The following TTC7B variants were observed in gnomAD, a reference collection of about 807,000 sequenced individuals.
TTC7B encodes tetratricopeptide repeat domain 7B.
Under a neutral mutation model 106.8 loss-of-function variants are expected in TTC7B, and 28 were observed. The observed-to-expected ratio is 0.26, with a 90% confidence interval of 0.19 to 0.36. TTC7B has a LOEUF of 0.36. Among genes scored for constraint, TTC7B ranks in the 10% least tolerant of loss-of-function variants. TTC7B has a pLI of 1.00. For synonymous variants in TTC7B, 405 were observed against 430.6 expected, an observed-to-expected ratio of 0.94 and a Z score of 0.74; for missense variants, 862 against 1,076.4, an observed-to-expected ratio of 0.80 and a Z score of 2.79.
intron 18 of TTC7B, 117 bp downstream of exon 18, chr14:90,593,369 A>C (rs2139821633): frequency 7.2e-7 from 1 of 1,396,314 alleles, no homozygotes; most frequent in Non-Finnish European, 9.4e-7. Context: ...GATCTCTCCT[A>C]ATGAGGGGTG....
chr14:90,638,247 T>C (rs1464781915), intron 15 of TTC7B, among the ~76,000 whole-genome samples: 1 of 152,038 alleles, frequency 6.6e-6, no homozygotes, highest in African/African-American at 2.4e-5. Flanking sequence ...AGGTCCTAAC[T>C]AGTACAGTAA....
chr14:90,614,719 C>T (rs567223112), intron 16 of TTC7B, among the ~76,000 whole-genome samples: 12 of 152,328 alleles, frequency 7.9e-5, no homozygotes, highest in South Asian at 2.1e-4. Context: ...ATGGAAGTAA[C>T]GGTAGCTATC....
chr14:90,557,468 T>C (rs1249941786), intron 19 of TTC7B, among the ~76,000 whole-genome samples: 2 of 152,270 alleles, frequency 1.3e-5, no homozygotes, highest in African/African-American at 4.8e-5. Flanking sequence ...TGGGGTTTGA[T>C]GAAATCTTCC....
In TTC7B at chr14:90,805,879, C is replaced by G. The variant is rs1329409704; in HGVS notation, c.121+10296G>C. On this transcript the variant is annotated intron_variant, in intron 1 of 19. Coordinates refer to ENST00000328459, the MANE Select transcript of TTC7B (RefSeq NM_001010854.2). This position sits in a 1 kb window ranked among gnomAD's most constrained non-coding sequence, Gnocchi z 4.0. Reference sequence around the variant, plus strand: ...CCAGGGGCACTTGGCCTCCTTGATCCCCCGGGGAAGGTGGGGCTGTGGCCT... The same window carrying G: ...CCAGGGGCACTTGGCCTCCTTGATCGCCCGGGGAAGGTGGGGCTGTGGCCT... Among the ~76,000 whole-genome samples the G allele has an allele frequency of 1.3e-5, 2 of 152,228 alleles. No individual in the cohort carries two copies. Among genetic ancestry groups the G allele is most frequent in the Non-Finnish European group, 1.5e-5 (1 of 68,042 alleles).
intron 15 of TTC7B, among the ~76,000 whole-genome samples, chr14:90,628,611 GCA>G (rs1473708901): frequency 5.3e-5 from 8 of 152,304 alleles, no homozygotes; most frequent in African/African-American, 1.9e-4. Flanking sequence ...GGCGCCTTCT[GCA>G]CAGTCAGGAG....
chr14:90,792,008 C>T (rs1891603221), intron 1 of TTC7B, among the ~76,000 whole-genome samples: 1 of 152,162 alleles, frequency 6.6e-6, no homozygotes, highest in South Asian at 2.1e-4. Context: ...ACCTCAAGTC[C>T]TCAAGTTTAC....
intron 3 of TTC7B, among the ~76,000 whole-genome samples, chr14:90,747,539 T>C (rs569462616): frequency 3.9e-5 from 6 of 152,202 alleles, no homozygotes; most frequent in Non-Finnish European, 5.9e-5. Flanking sequence ...AAAACTTGTT[T>C]CTGACCCTGT....
intron 19 of TTC7B, among the ~76,000 whole-genome samples, chr14:90,555,917 C>T (rs572662118): frequency 9.1e-4 from 138 of 152,310 alleles, no homozygotes; most frequent in African/African-American, 2.9e-3. Context: ...GTAGGGTCAC[C>T]GGGGACCCGT....
chr14:90,797,914 C>T (rs1448457946), intron 1 of TTC7B, among the ~76,000 whole-genome samples: 2 of 152,190 alleles, frequency 1.3e-5, no homozygotes, highest in East Asian at 1.9e-4. Flanking sequence ...GATCTCCATA[C>T]GACTCTGTGG....
chr14:90,603,372 C>G, intron 17 of TTC7B: 1 of 1,121,376 alleles, frequency 8.9e-7, no homozygotes, highest in South Asian at 1.3e-5. Flanking sequence ...AAAATTAAGA[C>G]TAAAAAAGCG....
chr14:90,611,271 A>T (rs553332934), intron 16 of TTC7B, among the ~76,000 whole-genome samples: 4 of 152,288 alleles, frequency 2.6e-5, no homozygotes, highest in African/African-American at 9.6e-5. Context: ...TCTAAAACCC[A>T]GGCTGCACGG....
At chr14:90,648,992 G>A (rs986359861) in intron 13 of TTC7B, 3 of 152,190 alleles carry the variant, frequency 2.0e-5, no homozygotes, top group Non-Finnish European at 4.4e-5. Flanking sequence ...TGAAAAGCTG[G>A]CAATGATCTG....
chr14:90,720,908 T>C (rs184487577), intron 5 of TTC7B, among the ~76,000 whole-genome samples: 183 of 152,320 alleles, frequency 1.2e-3, no homozygotes, highest in Non-Finnish European at 1.6e-3. Flanking sequence ...GACACGTAAA[T>C]ATTTGACAGA....
At chr14:90,686,253 GA>G (rs1199692223) in intron 7 of TTC7B, among the ~76,000 whole-genome samples, 5 of 152,094 alleles carry the variant, frequency 3.3e-5, no homozygotes, top group Admixed American at 3.3e-4. Flanking sequence ...AATTGATGCA[GA>G]AAAAGCAGTT....
intron 3 of TTC7B, among the ~76,000 whole-genome samples, chr14:90,749,329 C>A (rs377649474): frequency 6.6e-6 from 1 of 151,806 alleles, no homozygotes; most frequent in East Asian, 1.9e-4. Flanking sequence ...GGGGACTTTA[C>A]GCACATATTA....
At chr14:90,681,795 T>C (rs769691112) in intron 7 of TTC7B, among the ~76,000 whole-genome samples, 15 of 152,258 alleles carry the variant, frequency 9.9e-5, no homozygotes, top group Non-Finnish European at 8.8e-5. Context: ...GGGACACTTC[T>C]TTCCCCTTAG....
intron 3 of TTC7B, among the ~76,000 whole-genome samples, chr14:90,771,004 G>C (rs916768697): frequency 6.6e-6 from 1 of 152,142 alleles, no homozygotes; most frequent in Admixed American, 6.5e-5. Flanking sequence ...GGCAAAATCA[G>C]ACAGACAGAA....
At chr14:90,554,483 C>G (rs1469982767) in intron 19 of TTC7B, among the ~76,000 whole-genome samples, 1 of 152,220 alleles carries the variant, frequency 6.6e-6, no homozygotes, top group Non-Finnish European at 1.5e-5. Flanking sequence ...TAGTTCTTTC[C>G]TCCCCTCTAC....
chr14:90,676,496 G>C (rs1441826952), intron 9 of TTC7B, 27 bp downstream of exon 9: 2 of 1,610,056 alleles, frequency 1.2e-6, no homozygotes, highest in Non-Finnish European at 1.7e-6. Context: ...CCACCACCTG[G>C]ATGTCAACCA....
Sources: gnomAD v4.1 joint callset for allele counts (sites outside exome capture counted in the v4.1 genomes callset) on GRCh38, gnomAD v4.1.1 for gene constraint, Gnocchi (gnomAD v3.1) non-coding constraint, MANE v1.5 for transcripts, NCBI Gene and HGNC (gene_info 2026-07-23, HGNC 2026-07-21) for gene names.